CDK13: variants seen among roughly 807,000 people sequenced by gnomAD.
CDK13 encodes the protein cyclin-dependent kinase 13.
In CDK13, 40 loss-of-function variants were observed where a neutral mutation model predicts 137.6. That is an observed-to-expected ratio of 0.29 (90% CI 0.23 to 0.38). CDK13 has a LOEUF of 0.38. Among genes scored for constraint, CDK13 ranks in the 10% least tolerant of loss-of-function variants. The probability of loss-of-function intolerance (pLI) is 1.00; values close to 1 mark genes in which losing one functional copy is unlikely to be tolerated. For synonymous variants in CDK13, 869 were observed against 760.1 expected, an observed-to-expected ratio of 1.14 and a Z score of -2.36; for missense variants, 1,704 against 1,951.8, an observed-to-expected ratio of 0.87 and a Z score of 2.39.
At chr7:40,082,847 T>A (rs1480242622) in intron 11 of CDK13, among the ~76,000 whole-genome samples, 1 of 150,824 alleles carries the variant, frequency 6.6e-6, no homozygotes, top group Non-Finnish European at 1.5e-5. Context: ...ATGCCTGTAA[T>A]CCCAGCACTT....
intron 5 of CDK13, among the ~76,000 whole-genome samples, chr7:40,024,645 GTTTTTTTTTTTTTTTTTTT>G (rs58010602): frequency 1.4e-4 from 7 of 50,284 alleles, no homozygotes; most frequent in South Asian, 2.0e-3. Context: ...GTAGCTCTGT[GTTTTTTTTTTTTTTTTTTT>G]TTTTTTTTTT....
At chr7:39,970,484 G>A (rs1291386619) in intron 1 of CDK13, among the ~76,000 whole-genome samples, 4 of 148,198 alleles carry the variant, frequency 2.7e-5, no homozygotes, top group South Asian at 2.1e-4. Context: ...TTTTTGAGAC[G>A]GAGTCTTACT....
chr7:40,007,361 G>A (rs1007282307), intron 5 of CDK13, among the ~76,000 whole-genome samples: 12 of 152,174 alleles, frequency 7.9e-5, no homozygotes, highest in African/African-American at 2.7e-4. Flanking sequence ...AGGTGCTCCT[G>A]TATACTTGAA....
Position 39,976,323 on chromosome 7 carries a change from T to TCTCTCTCTCTCTCTCTCA in CDK13, c.1212-11275_1212-11274insTCTCTCTCTCTCTCTCAC. On this transcript the variant is annotated intron_variant, in intron 1 of 13. Coordinates refer to ENST00000181839, the MANE Select transcript of CDK13 (RefSeq NM_003718.5). ...CTCTCTCTCTCTCTCTCTCTCTCTC[T>TCTCTCTCTCTCTCTCTCA]CACACACACACACACACACACACAC... Among the ~76,000 whole-genome samples, 254 of 39,566 alleles carry TCTCTCTCTCTCTCTCTCA rather than the reference T, an allele frequency of 6.4e-3. 5 individuals carry two copies. Among genetic ancestry groups the TCTCTCTCTCTCTCTCTCA allele is most frequent in the Non-Finnish European group, 0.01 (179 of 17,110 alleles). 26.0% of individuals were successfully genotyped at this position (39,566 alleles called of 152,430 possible). A position where few individuals can be genotyped will look rare whatever the true frequency, so the allele number is the denominator to read the frequency against.
chr7:40,056,719 A>G (rs1040125370), intron 7 of CDK13, among the ~76,000 whole-genome samples: 34 of 152,222 alleles, frequency 2.2e-4, no homozygotes, highest in African/African-American at 8.0e-4. Flanking sequence ...GAACCAAGGA[A>G]TGGGCACAGG....
chr7:39,966,305 C>T (rs911292441), intron 1 of CDK13, among the ~76,000 whole-genome samples: 19 of 152,140 alleles, frequency 1.2e-4, no homozygotes, highest in Admixed American at 5.2e-4. Context: ...TTCTTGGAGG[C>T]TTTGTTCGTT....
At chr7:40,013,858 G>A (rs1397700426) in intron 5 of CDK13, among the ~76,000 whole-genome samples, 2 of 152,098 alleles carry the variant, frequency 1.3e-5, no homozygotes, top group Non-Finnish European at 2.9e-5. Flanking sequence ...AATTGAGAGG[G>A]ATAGACGGGT....
chr7:40,010,899 A>C (rs957946310), intron 5 of CDK13, among the ~76,000 whole-genome samples: 2 of 152,216 alleles, frequency 1.3e-5, no homozygotes, highest in Non-Finnish European at 2.9e-5. Flanking sequence ...TAAGAAAACA[A>C]TTTAAAAAGG....
At chr7:39,995,262 T>G (rs1562718523) in intron 2 of CDK13, among the ~76,000 whole-genome samples, 1 of 152,312 alleles carries the variant, frequency 6.6e-6, no homozygotes, top group East Asian at 1.9e-4. Context: ...ATAGATAGTC[T>G]TTTAAGTTTT....
intron 7 of CDK13, chr7:40,062,481 C>T (rs111849237): frequency 6.1e-4 from 114 of 186,672 alleles, no homozygotes; most frequent in Middle Eastern, 2.5e-3. Context: ...GGGGTTTCAC[C>T]GTGTTAGCCA....
intron 5 of CDK13, 70 bp downstream of exon 5, chr7:40,002,101 T>C: frequency 9.3e-7 from 1 of 1,076,106 alleles, no homozygotes; most frequent in South Asian, 1.5e-5. Flanking sequence ...GAAATTTTTT[T>C]TATAGATGTG....
At chr7:40,042,859 C>T (rs1453799076) in intron 5 of CDK13, among the ~76,000 whole-genome samples, 1 of 151,696 alleles carries the variant, frequency 6.6e-6, no homozygotes, top group East Asian at 1.9e-4. Context: ...CAGCCACAGT[C>T]TCCAAACTCT....
Position 40,068,693 on chromosome 7 carries a change from G to T in CDK13, c.2780+5593G>T, listed in dbSNP as rs1224720692. Among the ~76,000 whole-genome samples, 22 of 118,262 alleles carry T rather than the reference G, an allele frequency of 1.9e-4. No individual in the cohort carries two copies. In the Admixed American group the frequency reaches 2.1e-3, roughly 11 times the overall value. 77.6% of individuals were successfully genotyped at this position (118,262 alleles called of 152,430 possible). ...TGCACTCCAGCCTGGGTGACAGAGT[G>T]AGACTATGTCTCAGAAAAAAAAAAA... is the stretch of plus-strand genomic sequence containing the variant. On this transcript the variant is annotated intron_variant, in intron 9 of 13. Coordinates refer to ENST00000181839, the MANE Select transcript of CDK13 (RefSeq NM_003718.5).
chr7:39,961,896 T>C (rs2116138168), intron 1 of CDK13, among the ~76,000 whole-genome samples: 1 of 152,322 alleles, frequency 6.6e-6, no homozygotes, highest in Middle Eastern at 3.4e-3. Flanking sequence ...GTTTGGTTTT[T>C]TGTCCTTGCA....
Position 40,095,220 on chromosome 7 carries a change from T to C in CDK13, c.*240T>C. On this transcript the variant is annotated 3_prime_UTR_variant, in exon 14 of 14. Coordinates refer to ENST00000181839, the MANE Select transcript of CDK13 (RefSeq NM_003718.5). ...ACAAATTCTAGTTAACAATTTTATT[T>C]TGTATTCTTGCAGTTTTAAGTGGAT... 1 of 299,998 alleles carries C rather than the reference T, an allele frequency of 3.3e-6. No individual in the cohort carries two copies. The highest frequency in any genetic ancestry group is 6.0e-6 in the Non-Finnish European group (1 of 166,100). The allele number at this position is 299,998 out of a possible 1,614,324, so 18.6% of individuals were successfully genotyped here.
rs1787050703 is a variant in CDK13, at chr7:40,096,503, C to A, written c.*1523C>A. 6.6e-6 allele frequency: 1 copy of A among 151,998 alleles called. No homozygotes were observed. The highest frequency in any genetic ancestry group is 6.6e-5 in the Admixed American group (1 of 15,266). The allele number at this position is 151,998 out of a possible 1,614,324, so 9.4% of individuals were successfully genotyped here. A position where few individuals can be genotyped will look rare whatever the true frequency, so the allele number is the denominator to read the frequency against. On this transcript the variant is annotated 3_prime_UTR_variant, in exon 14 of 14. Transcript: ENST00000181839. The stretch of plus-strand genomic sequence containing the variant: ...TAAATAACCAGTGTTTCCATTATCA[C>A]TAAATGGAAAAATTGACTGGAAGTT...
intron 1 of CDK13, among the ~76,000 whole-genome samples, chr7:39,967,149 C>T (rs781733510): frequency 2.2e-4 from 33 of 149,658 alleles, no homozygotes; most frequent in Admixed American, 8.2e-4. Flanking sequence ...AAAGCTAAGC[C>T]GAGTGCAGTG....
In CDK13 at chr7:39,987,895, G is replaced by T; in HGVS notation, c.1508G>T (p.Ser503Ile). 1 of 1,614,226 alleles carries T rather than the reference G, an allele frequency of 6.2e-7. No individual in the cohort carries two copies. Among genetic ancestry groups the T allele is most frequent in the Non-Finnish European group, 8.5e-7 (1 of 1,180,044 alleles). The change falls in exon 2 of 14, where the codon AGT (serine) becomes ATT (isoleucine). Residue 503 changes from serine to isoleucine, a missense_variant. By Grantham distance (142) the Ser-to-Ile change is moderately radical (BLOSUM62 -2). Transcript: ENST00000181839. ...CCTACCAAGGGGAACACGGAAACTA[G>T]TGCCAGTGCATCACAAACAAACCAT... ...STPTKGNTETSASASQTNHVK... is the reference protein window; with the variant it reads ...STPTKGNTETIASASQTNHVK...
At chr7:40,048,647 A>G (rs1785805866) in intron 7 of CDK13, 1 of 147,178 alleles carries the variant, frequency 6.8e-6, no homozygotes, top group Admixed American at 6.6e-5. Context: ...TAATATCACC[A>G]TAATTTAATA....
Sources: allele counts gnomAD v4.1 joint callset (sites outside exome capture counted in the v4.1 genomes callset), GRCh38; gene constraint gnomAD v4.1.1; transcripts MANE v1.5; gene names NCBI Gene and HGNC (gene_info 2026-07-23, HGNC 2026-07-21).